PIEZO2: variants seen among roughly 807,000 people sequenced by gnomAD.
PIEZO2 encodes the protein piezo type mechanosensitive ion channel component 2.
A neutral mutation model predicts 337.3 loss-of-function variants in PIEZO2; 172 were observed. That is an observed-to-expected ratio of 0.51 (90% confidence interval 0.45 to 0.58). PIEZO2 has a LOEUF of 0.58. Among genes scored for constraint, PIEZO2 ranks in the 20% least tolerant of loss-of-function variants. The pLI is 0.00. For synonymous variants in PIEZO2, 1,251 were observed against 1,228.5 expected, an observed-to-expected ratio of 1.02 and a Z score of -0.38; for missense variants, 3,028 against 3,391.3, an observed-to-expected ratio of 0.89 and a Z score of 2.66.
At chr18:10,678,225 T>C (rs1041903904) in intron 52 of PIEZO2, among the ~76,000 whole-genome samples, 3 of 152,238 alleles carry the variant, frequency 2.0e-5, no homozygotes, top group Non-Finnish European at 4.4e-5. Context: ...ACAAACTCCA[T>C]GTGTTAAAAA....
At chr18:10,928,360 G>A (rs772544790) in intron 3 of PIEZO2, among the ~76,000 whole-genome samples, 1 of 152,168 alleles carries the variant, frequency 6.6e-6, no homozygotes, top group African/African-American at 2.4e-5. Context: ...AAGAGGGGCT[G>A]TTGGATACTC....
intron 2 of PIEZO2, among the ~76,000 whole-genome samples, chr18:11,061,090 G>A (rs1459657215): frequency 1.3e-5 from 2 of 152,138 alleles, no homozygotes; most frequent in South Asian, 4.1e-4. Flanking sequence ...GGGATGCAAG[G>A]CTGGTTCAAC....
intron 3 of PIEZO2, among the ~76,000 whole-genome samples, chr18:10,965,456 C>T (rs1357755251): frequency 6.6e-6 from 1 of 152,098 alleles, no homozygotes; most frequent in Non-Finnish European, 1.5e-5. Context: ...GTGAGGCTGT[C>T]AGTAAGGATT....
Position 10,855,369 on chromosome 18 carries a change from T to C in PIEZO2, c.901A>G (p.Asn301Asp), listed in dbSNP as rs1354206732. 6.5e-7 allele frequency: 1 copy of C among 1,535,316 alleles called. No individual in the cohort carries two copies. Among genetic ancestry groups the C allele is most frequent in the South Asian group, 1.2e-5 (1 of 84,018 alleles). ...FQFFQEAVPPNDYYARLFGIK... is the reference protein window; with the variant it reads ...FQFFQEAVPPDDYYARLFGIK... ...TTCTCTTACCTTGCATAGTAGTCAT[T>C]GGGTGGAACTGCCTCTTGAAAGAAT... The change falls in exon 7 of 56, where the codon AAT becomes GAT. Residue 301 changes from asparagine to aspartate, a missense_variant. Physicochemically the swap from Asn to Asp is conservative, Grantham distance 23. This residue lies in a region of PIEZO2 where 542 missense variants were observed against 605.6 expected (regional missense o/e 0.89). Coordinates refer to ENST00000674853, the MANE Select transcript of PIEZO2 (RefSeq NM_001378183.1). This position sits in a 1 kb window ranked among gnomAD's most constrained non-coding sequence, Gnocchi z 4.9.
chr18:10,918,885 ATATAAC>A (rs1252499708), intron 3 of PIEZO2, among the ~76,000 whole-genome samples: 2 of 152,028 alleles, frequency 1.3e-5, no homozygotes, highest in African/African-American at 4.8e-5. Flanking sequence ...TTGCTGTTAT[ATATAAC>A]ATTGCAATGA....
Position 10,726,496 on chromosome 18 carries a change from C to T in PIEZO2, c.5029+4911G>A. The stretch of plus-strand genomic sequence containing the variant: ...TGGCCACCCTGCACAGCGTGCTGCT[C>T]CGCAAGCAGCCGTTCCTGTGGCGCG... On this transcript the variant is annotated intron_variant, in intron 36 of 55. Transcript: ENST00000674853. The surrounding 1 kb of genome is among the most constrained non-coding windows in gnomAD (Gnocchi z 5.9). The T allele has an allele frequency of 1.3e-6, 2 of 1,497,130 alleles. No individual in the cohort carries two copies. Among genetic ancestry groups the T allele is most frequent in the African/African-American group, 1.4e-5 (1 of 71,946 alleles). The allele number at this position is 1,497,130 out of a possible 1,614,324, so 92.7% of individuals were successfully genotyped here.
chr18:10,720,405 ATGTGTATG>A (rs1567983776), intron 36 of PIEZO2, among the ~76,000 whole-genome samples: 76 of 11,586 alleles, frequency 6.6e-3, no homozygotes, highest in African/African-American at 0.025. Context: ...GTGTGTGTGT[ATGTGTATG>A]TGTATGTATA....
Position 10,705,502 on chromosome 18 carries a change from T to C in PIEZO2, c.5833A>G (p.Ser1945Gly), listed in dbSNP as rs1397611590. The C allele has an allele frequency of 2.0e-6, 3 of 1,537,134 alleles. No homozygotes were observed. Among genetic ancestry groups the C allele is most frequent in the African/African-American group, 2.7e-5 (2 of 73,054 alleles). ...AGATGCTCGAAGCTCACAGCCTTGC[T>C]GTAGGAGGGTGGGGCCTCCACATCC... ...DGDVEAPPSY[S>G]KAVSFEHLSF... Residue 1945 changes from serine to glycine, a missense_variant, in exon 41 of 56, where the codon AGC (serine) becomes GGC (glycine). By Grantham distance (56) the Ser-to-Gly change is moderately conservative. Transcript: ENST00000674853.
At chr18:10,738,230 A>T (rs1034664669) in intron 33 of PIEZO2, 1 of 152,256 alleles carries the variant, frequency 6.6e-6, no homozygotes, top group South Asian at 2.1e-4. Flanking sequence ...AGAGATTTGC[A>T]GGAAAGTGAT....
Position 10,958,228 on chromosome 18 carries a change from A to G in PIEZO2, c.286+21307T>C, listed in dbSNP as rs79934088. Among the ~76,000 whole-genome samples the G allele has an allele frequency of 6.1e-4, 93 of 152,330 alleles. No individual in the cohort carries two copies. In the East Asian group the frequency reaches 0.017, roughly 28 times the overall value. ...AAAGAGAATAATTTTGCCATTTGAG[A>G]CTAGGTAAAATAAGCCAGGCACAGA... is the stretch of plus-strand genomic sequence containing the variant. On this transcript the variant is annotated intron_variant, in intron 3 of 55. Coordinates refer to ENST00000674853, the MANE Select transcript of PIEZO2 (RefSeq NM_001378183.1).
In PIEZO2 at chr18:10,855,236, T is replaced by C; in HGVS notation, c.917+117A>G. 1.1e-6 allele frequency: 1 copy of C among 904,002 alleles called. No individual in the cohort carries two copies. Among genetic ancestry groups the C allele is most frequent in the South Asian group, 1.6e-5 (1 of 61,080 alleles). The allele number at this position is 904,002 out of a possible 1,614,324, so 56.0% of individuals were successfully genotyped here. A position where few individuals can be genotyped will look rare whatever the true frequency, so the allele number is the denominator to read the frequency against. The stretch of plus-strand genomic sequence containing the variant: ...CACCCACCCCCACAAAATCTTTGCT[T>C]AACACAGCAATTGCCTGCCATCAAG... On this transcript the variant is annotated intron_variant, in intron 7 of 55. Coordinates refer to ENST00000674853, the MANE Select transcript of PIEZO2 (RefSeq NM_001378183.1). The surrounding 1 kb of genome is among the most constrained non-coding windows in gnomAD (Gnocchi z 4.9).
Position 11,031,183 on chromosome 18 carries a change from T to C in PIEZO2, c.160+34944A>G, listed in dbSNP as rs998175561. Among the ~76,000 whole-genome samples the C allele has an allele frequency of 6.7e-6, 1 of 150,232 alleles. No homozygotes were observed. The highest frequency in any genetic ancestry group is 1.5e-5 in the Non-Finnish European group (1 of 67,620). ...TTTTTTGTATTTTTTTTTTTTTTAG[T>C]GGAGATGGGATTTCACCGTGTTAGC... On this transcript the variant is annotated intron_variant, in intron 2 of 55. Transcript: ENST00000674853. The surrounding 1 kb of genome is among the most constrained non-coding windows in gnomAD (Gnocchi z 4.7).
At chr18:10,948,668 GA>G (rs1482442800) in intron 3 of PIEZO2, among the ~76,000 whole-genome samples, 1 of 152,094 alleles carries the variant, frequency 6.6e-6, no homozygotes, top group African/African-American at 2.4e-5. Context: ...TGCAGAGGGG[GA>G]AATGTCTGGA....
chr18:10,873,776 G>C (rs545340543), intron 4 of PIEZO2, among the ~76,000 whole-genome samples: 1 of 152,070 alleles, frequency 6.6e-6, no homozygotes, highest in African/African-American at 2.4e-5. Context: ...TTAAAAAATG[G>C]TCTAGCCTGA....
chr18:11,073,393 C>T (rs1239741006), intron 1 of PIEZO2, among the ~76,000 whole-genome samples: 1 of 152,160 alleles, frequency 6.6e-6, no homozygotes, highest in Non-Finnish European at 1.5e-5. Flanking sequence ...TGAGCATCCC[C>T]TCTCCCTTGC....
rs144159846 is a variant in PIEZO2 at position 11,051,345 on chromosome 18, ATG to A, written c.160+14780_160+14781del. Among the ~76,000 whole-genome samples the A allele has an allele frequency of 5.8e-3, 848 of 146,846 alleles. 9 individuals are homozygous for A. Among genetic ancestry groups the A allele is most frequent in the African/African-American group, 0.018 (703 of 39,126 alleles). The stretch of plus-strand genomic sequence containing the variant: ...CCTTAGACAGCAACCATCACTTAGG[ATG>A]TGTGTGTGTGTGTGTGTGTGTGGGT... On this transcript the variant is annotated intron_variant, in intron 2 of 55. Transcript: ENST00000674853.
At chr18:11,023,791 C>G (rs535894660) in intron 2 of PIEZO2, among the ~76,000 whole-genome samples, 1 of 152,204 alleles carries the variant, frequency 6.6e-6, no homozygotes, top group Non-Finnish European at 1.5e-5. Flanking sequence ...AACCCTGCCC[C>G]GCTGGGAGGC....
At chr18:10,785,843 C>T (rs371820243) in intron 16 of PIEZO2, among the ~76,000 whole-genome samples, 1 of 152,118 alleles carries the variant, frequency 6.6e-6, no homozygotes, top group East Asian at 1.9e-4. Flanking sequence ...CTCAGCTAGT[C>T]AAGGGATCTT....
At position 10,726,946 on chromosome 18, in the gene PIEZO2, T is replaced by A; in HGVS notation, c.5029+4461A>T. The A allele has an allele frequency of 6.7e-7, 1 of 1,486,634 alleles. No individual in the cohort carries two copies. The highest frequency in any genetic ancestry group is 9.1e-7 in the Non-Finnish European group (1 of 1,095,230). The allele number at this position is 1,486,634 out of a possible 1,614,324, so 92.1% of individuals were successfully genotyped here. On this transcript the variant is annotated intron_variant, in intron 36 of 55. Coordinates refer to ENST00000674853, the MANE Select transcript of PIEZO2 (RefSeq NM_001378183.1). The surrounding 1 kb of genome is among the most constrained non-coding windows in gnomAD (Gnocchi z 5.9). ...TCGCCTGCTGCCCGACTGATGTAGG[T>A]TGAGGGCTGCAGACAGAGGCCCTGG...
Sources: gnomAD v4.1 joint callset for allele counts (sites outside exome capture counted in the v4.1 genomes callset) on GRCh38, gnomAD v4.1.1 for gene constraint, gnomAD v4.1.1 regional missense constraint, Gnocchi (gnomAD v3.1) non-coding constraint, MANE v1.5 for transcripts, NCBI Gene and HGNC (gene_info 2026-07-23, HGNC 2026-07-21) for gene names.